The following TENM3 variants were observed in gnomAD, a reference collection of about 807,000 sequenced individuals.
The protein encoded by TENM3 is teneurin-3.
A neutral mutation model predicts 255.1 loss-of-function variants in TENM3; 63 were observed. The ratio of observed to expected loss-of-function variants is 0.25; its 90% CI spans 0.20 to 0.30. The LOEUF is 0.30. Among genes scored for constraint, TENM3 ranks in the 10% least tolerant of loss-of-function variants. TENM3 has a pLI of 1.00. For missense variants in TENM3, 2,929 were observed against 3,461.1 expected (o/e 0.85, Z 3.86); for synonymous variants, 1,306 against 1,322.3 (o/e 0.99, Z 0.27).
chr4:182,228,376 G>GTA (rs1561218842), intron 1 of TENM3, among the ~76,000 whole-genome samples: 12 of 92,332 alleles, frequency 1.3e-4, no homozygotes, highest in African/African-American at 5.0e-4. Flanking sequence ...GTGTGTGTGT[G>GTA]TGTGTGTGTG....
the TENM3 span, among the ~76,000 whole-genome samples, chr4:181,628,927 G>T: frequency 6.6e-6 from 1 of 152,122 alleles, no homozygotes; most frequent in African/African-American, 2.4e-5. Flanking sequence ...ACCTTGGGCA[G>T]TATGGCCATT....
At chr4:181,944,859 C>T in the TENM3 span, among the ~76,000 whole-genome samples, 1 of 151,992 alleles carries the variant, frequency 6.6e-6, no homozygotes, top group East Asian at 2.0e-4. Context: ...TGTACAAACG[C>T]CAGCCTCCCT....
intron 3 of TENM3, among the ~76,000 whole-genome samples, chr4:182,549,775 C>T (rs1197871337): frequency 6.6e-6 from 1 of 152,120 alleles, no homozygotes; most frequent in Non-Finnish European, 1.5e-5. Flanking sequence ...TGTAATCTGT[C>T]AAGTAGGGCT....
At chr4:182,688,584 C>T (rs1035232257) in intron 12 of TENM3, among the ~76,000 whole-genome samples, 11 of 152,112 alleles carry the variant, frequency 7.2e-5, no homozygotes, top group East Asian at 1.9e-4. Context: ...GTTTTTGGGA[C>T]GGCCACAAAA....
chr4:182,558,843 T>C (rs746697339), intron 3 of TENM3, among the ~76,000 whole-genome samples: 4 of 152,156 alleles, frequency 2.6e-5, no homozygotes, highest in Non-Finnish European at 5.9e-5. Context: ...TTATTGGAGA[T>C]GTTATAATTC....
In TENM3 at chr4:182,696,723, C is replaced by CA. The variant is rs539589000; in HGVS notation, c.2221+8383dup. ...CTGGTGACAGAGCGAGACTTCATCTCAAAAAAAAAAACAAAAATGCATATG... is the reference window on the plus strand; with the variant it reads ...CTGGTGACAGAGCGAGACTTCATCTCAAAAAAAAAAAACAAAAATGCATATG... On this transcript the variant is annotated intron_variant, in intron 12 of 27. Coordinates refer to ENST00000511685, the MANE Select transcript of TENM3 (RefSeq NM_001080477.4). Among the ~76,000 whole-genome samples, 498 of 134,600 alleles carry CA rather than the reference C, an allele frequency of 3.7e-3. 16 individuals carry two copies. The East Asian group carries it at 0.06, about 16-fold the overall frequency. 88.3% of individuals were successfully genotyped at this position (134,600 alleles called of 152,430 possible). A position where few individuals can be genotyped will look rare whatever the true frequency, so the allele number is the denominator to read the frequency against.
chr4:181,924,594 A>G, the TENM3 span, among the ~76,000 whole-genome samples: 1 of 152,346 alleles, frequency 6.6e-6, no homozygotes, highest in African/African-American at 2.4e-5. Context: ...TTAATGCCTC[A>G]AGGCAAATTA....
chr4:182,415,106 AT>A (rs879411232), intron 3 of TENM3, among the ~76,000 whole-genome samples: 24 of 152,070 alleles, frequency 1.6e-4, no homozygotes, highest in Non-Finnish European at 2.6e-4. Context: ...CATTAAGTCT[AT>A]TTTTTTCCAG....
chr4:181,824,128 G>A, the TENM3 span, among the ~76,000 whole-genome samples: 4 of 152,002 alleles, frequency 2.6e-5, no homozygotes, highest in Non-Finnish European at 5.9e-5. Context: ...TTGAGATGGA[G>A]TCTCACTCTG....
At chr4:181,473,167 A>G in the TENM3 span, among the ~76,000 whole-genome samples, 1 of 152,252 alleles carries the variant, frequency 6.6e-6, no homozygotes, top group African/African-American at 2.4e-5. Context: ...TTAAAAAATC[A>G]AAATGAATGT....
chr4:182,598,557 A>C (rs1414287202), intron 3 of TENM3, among the ~76,000 whole-genome samples: 6 of 152,256 alleles, frequency 3.9e-5, no homozygotes. Context: ...TTCTAAATTC[A>C]ACATATTGAA....
the TENM3 span, among the ~76,000 whole-genome samples, chr4:181,968,068 C>G: frequency 6.6e-6 from 1 of 152,168 alleles, no homozygotes. Context: ...GACAGACTTT[C>G]TGGAGGTCCT....
chr4:181,702,209 T>A, the TENM3 span, among the ~76,000 whole-genome samples: 2 of 152,204 alleles, frequency 1.3e-5, no homozygotes, highest in Non-Finnish European at 2.9e-5. Context: ...TTCTGAGGCT[T>A]CTGGTCCTCG....
chr4:181,468,822 C>T, the TENM3 span, among the ~76,000 whole-genome samples: 16 of 152,208 alleles, frequency 1.1e-4, no homozygotes, highest in Non-Finnish European at 2.1e-4. Flanking sequence ...ATTTAACACG[C>T]TTTTCACATG....
chr4:182,194,960 G>A (rs554829104), intron 1 of TENM3, among the ~76,000 whole-genome samples: 3 of 150,446 alleles, frequency 2.0e-5, no homozygotes, highest in African/African-American at 4.9e-5. Context: ...GACATAGTAG[G>A]GTCACTTCAG....
the TENM3 span, among the ~76,000 whole-genome samples, chr4:181,788,862 T>C: frequency 6.6e-6 from 1 of 152,186 alleles, no homozygotes; most frequent in Admixed American, 6.5e-5. Flanking sequence ...CTTTCCAAAG[T>C]GTTAAGATTA....
chr4:182,307,972 A>G (rs146577525), intron 1 of TENM3, among the ~76,000 whole-genome samples: 3 of 152,388 alleles, frequency 2.0e-5, no homozygotes, highest in Admixed American at 6.5e-5. Flanking sequence ...TTTTGTGGTC[A>G]GGAAGAGCTT....
chr4:181,533,434 A>C, the TENM3 span, among the ~76,000 whole-genome samples: 1 of 152,142 alleles, frequency 6.6e-6, no homozygotes, highest in Non-Finnish European at 1.5e-5. Context: ...ACAGAAGGTC[A>C]ACATTCACCT....
At chr4:182,688,426 G>T in intron 12 of TENM3, 75 bp downstream of exon 12, 1 of 1,186,410 alleles carries the variant, frequency 8.4e-7, no homozygotes. Flanking sequence ...TTTTCAACTT[G>T]GAAAAAGCCT....
Sources: gnomAD v4.1 joint callset for allele counts (sites outside exome capture counted in the v4.1 genomes callset) on GRCh38, gnomAD v4.1.1 for gene constraint, MANE v1.5 for transcripts, NCBI Gene and HGNC (gene_info 2026-07-23, HGNC 2026-07-21) for gene names.